NHS: variants seen among roughly 807,000 people sequenced by gnomAD.
NHS encodes the protein NHS actin remodeling regulator, also known as actin remodeling regulator NHS.
Under a neutral mutation model 72.5 loss-of-function variants are expected in NHS, and 5 were observed. That is an observed-to-expected ratio of 0.07 (90% CI 0.04 to 0.14). The LOEUF is 0.14. Among genes scored for constraint, NHS ranks in the 10% least tolerant of loss-of-function variants. The pLI, the probability that NHS is intolerant of heterozygous loss-of-function variation, is 1.00. For missense variants in NHS, 1,072 were observed against 1,355.7 expected (o/e 0.79, Z 3.29); for synonymous variants, 464 against 547.7 (o/e 0.85, Z 2.13).
At chrX:17,397,093 A>G (rs2064479338) in intron 1 of NHS, among the ~76,000 whole-genome samples, 1 of 112,963 alleles carries the variant, frequency 8.9e-6, no homozygotes, top group African/African-American at 3.2e-5. Context: ...TAGATCAGGA[A>G]GCAAAAGCTT....
chrX:17,630,932 T>C (rs767738422), intron 1 of NHS, among the ~76,000 whole-genome samples: 2 of 111,980 alleles, frequency 1.8e-5, no homozygotes, highest in African/African-American at 3.3e-5. Context: ...CCTGAGATTC[T>C]ATAGTTTTCC....
At chrX:17,483,589 T>C (rs1212641198) in intron 1 of NHS, among the ~76,000 whole-genome samples, 2 of 112,114 alleles carry the variant, frequency 1.8e-5, no homozygotes, top group Admixed American at 9.5e-5. Flanking sequence ...TCTCTGAACG[T>C]ACATTATTCC....
Position 17,726,453 on chromosome X carries a change from G to T in NHS, c.2347G>T (p.Gly783Ter). 1 of 1,211,977 alleles carries T rather than the reference G, an allele frequency of 8.3e-7. No homozygotes were observed. Among genetic ancestry groups the T allele is most frequent in the Non-Finnish European group, 1.1e-6 (1 of 895,544 alleles). Reference protein sequence around the residue: ...TSSHFSVDTEGYYTSMHFDCG... With the variant: ...TSSHFSVDTE ...CTCTCACTTTTCAGTAGACACGGAAGGATACTATACCTCCATGCACTTTGA... is the reference window on the plus strand; with the variant it reads ...CTCTCACTTTTCAGTAGACACGGAATGATACTATACCTCCATGCACTTTGA... Residue 783 changes from glycine (G) to a stop codon, truncating the protein, a stop_gained, in exon 7 of 9, where the codon GGA (glycine) becomes TGA (stop). Coordinates refer to ENST00000676302, the MANE Select transcript of NHS (RefSeq NM_001291867.2). LOFTEE classifies it high-confidence loss of function.
At chrX:17,625,969 T>A (rs2065796532) in intron 1 of NHS, among the ~76,000 whole-genome samples, 1 of 112,231 alleles carries the variant, frequency 8.9e-6, no homozygotes, top group South Asian at 3.6e-4. Flanking sequence ...TTCTATAAAA[T>A]TTGAAAAAGT....
At chrX:17,627,151 G>T (rs2065801522) in intron 1 of NHS, among the ~76,000 whole-genome samples, 1 of 112,227 alleles carries the variant, frequency 8.9e-6, no homozygotes, top group African/African-American at 3.2e-5. Flanking sequence ...GACTCAACAA[G>T]AATTCTGCAT....
chrX:17,389,919 C>T (rs73636647), intron 1 of NHS, among the ~76,000 whole-genome samples: 1,700 of 105,954 alleles, frequency 0.016, 43 homozygotes, highest in African/African-American at 0.056. Context: ...GCCTTTTCTA[C>T]GATAAAGCTA....
chrX:17,409,857 T>G (rs1027257585), intron 1 of NHS, among the ~76,000 whole-genome samples: 1 of 111,694 alleles, frequency 9.0e-6, no homozygotes, highest in African/African-American at 3.3e-5. Context: ...TGGCACTGAT[T>G]AATACTATAA....
chrX:17,442,557 A>G (rs1418093307), intron 1 of NHS, among the ~76,000 whole-genome samples: 2 of 112,505 alleles, frequency 1.8e-5, no homozygotes, highest in African/African-American at 3.2e-5. Context: ...GGAGCATTCA[A>G]CATTCACGTT....
rs1008406679 is a variant in NHS at position 17,463,513 on chromosome X, A to G, written c.565+87191A>G. On this transcript the variant is annotated intron_variant, in intron 1 of 8. Coordinates refer to ENST00000676302, the MANE Select transcript of NHS (RefSeq NM_001291867.2). ...GATATTAGTATTTCTTGGGTAAAGC[A>G]TATCATACCCTGAAAGGCCAGATAA... is the stretch of plus-strand genomic sequence containing the variant. Among the ~76,000 whole-genome samples the G allele has an allele frequency of 5.3e-4, 59 of 111,522 alleles. 1 individual carries two copies. The highest frequency in any genetic ancestry group is 1.8e-3 in the African/African-American group (56 of 30,697).
intron 1 of NHS, among the ~76,000 whole-genome samples, chrX:17,446,264 TTTTG>T (rs2064779316): frequency 9.0e-6 from 1 of 110,608 alleles, no homozygotes; most frequent in Non-Finnish European, 1.9e-5. Context: ...TTCAACACTA[TTTTG>T]TTTTATTTTT....
In NHS at chrX:17,714,576, T is replaced by C. The variant is rs147497746; in HGVS notation, c.853-4768T>C. Among the ~76,000 whole-genome samples the C allele has an allele frequency of 4.2e-3, 473 of 112,437 alleles. 8 individuals are homozygous for C. Among genetic ancestry groups the C allele is most frequent in the Admixed American group, 0.038 (403 of 10,609 alleles). On this transcript the variant is annotated intron_variant, in intron 3 of 8. Transcript: ENST00000676302. ...TTATATGTGGGTGGCAATAATTTGA[T>C]GTTATTTCTCTAGAAGAGAATTTTT...
chrX:17,561,743 T>C (rs2065417337), intron 1 of NHS, among the ~76,000 whole-genome samples: 1 of 106,530 alleles, frequency 9.4e-6, no homozygotes, highest in Non-Finnish European at 1.9e-5. Flanking sequence ...ATGGGTGAAG[T>C]TTTAATGAGA....
Position 17,721,563 on chromosome X carries a change from G to A in NHS, c.1038G>A (p.Pro346=), listed in dbSNP as rs2066406371. 2.5e-6 allele frequency: 3 copies of A among 1,211,071 alleles called. No homozygotes were observed. The highest frequency in any genetic ancestry group is 3.4e-6 in the Non-Finnish European group (3 of 895,226). The change falls in exon 5 of 9, where the codon CCG becomes CCA. Residue 346 remains proline, a synonymous_variant. Coordinates refer to ENST00000676302, the MANE Select transcript of NHS (RefSeq NM_001291867.2). The stretch of plus-strand genomic sequence containing the variant: ...ACTGGAGCAAAGCACTACCTCTCCC[G>A]ACGCCAGAGGAGAAGATGAAACAAG... ...QTNWSKALPL[P]TPEEKMKQDA...
chrX:17,719,497 T>C, intron 4 of NHS, 91 bp downstream of exon 4: 1 of 706,253 alleles, frequency 1.4e-6, no homozygotes, highest in Non-Finnish European at 2.0e-6. Flanking sequence ...ATGGAAAACT[T>C]TCTTGTTTCT....
chrX:17,580,684 C>G (rs1354403353), intron 1 of NHS, among the ~76,000 whole-genome samples: 1 of 111,342 alleles, frequency 9.0e-6, no homozygotes, highest in Non-Finnish European at 1.9e-5. Flanking sequence ...GATAGCCACT[C>G]CCCCTTCTCA....
At chrX:17,600,083 C>A (rs1486124494) in intron 1 of NHS, among the ~76,000 whole-genome samples, 1 of 111,534 alleles carries the variant, frequency 9.0e-6, no homozygotes, top group Non-Finnish European at 1.9e-5. Flanking sequence ...CTGGGCTGGG[C>A]AGCTAGTACT....
intron 1 of NHS, among the ~76,000 whole-genome samples, chrX:17,416,821 A>T (rs7881907): frequency 3.4e-3 from 337 of 98,698 alleles, no homozygotes; most frequent in East Asian, 0.016. Flanking sequence ...TGTGTGTGTG[A>T]GAGAGAGAGA....
intron 3 of NHS, among the ~76,000 whole-genome samples, chrX:17,695,981 T>C (rs1334631834): frequency 3.7e-5 from 4 of 108,551 alleles, no homozygotes; most frequent in African/African-American, 1.3e-4. Flanking sequence ...GATTTTGAAA[T>C]TCTATAGCCA....
rs1455209467 is a variant in NHS, at chrX:17,695,941, A to AG, written c.852+3473_852+3474insG. Among the ~76,000 whole-genome samples, 592 of 95,083 alleles carry AG rather than the reference A, an allele frequency of 6.2e-3. 6 individuals are homozygous for AG. Among genetic ancestry groups the AG allele is most frequent in the Non-Finnish European group, 8.2e-3 (414 of 50,345 alleles). 82.6% of individuals were successfully genotyped at this position (95,083 alleles called of 115,157 possible). ...AAAAGCTTCCTTAAAAAAAAAAAAA[A>AG]AGGGGGGGGGTATCTATTCCATCCT... On this transcript the variant is annotated intron_variant, in intron 3 of 8. Coordinates refer to ENST00000676302, the MANE Select transcript of NHS (RefSeq NM_001291867.2).
Sources: allele counts gnomAD v4.1 joint callset (sites outside exome capture counted in the v4.1 genomes callset), GRCh38; gene constraint gnomAD v4.1.1; transcripts MANE v1.5; gene names NCBI Gene and HGNC (gene_info 2026-07-23, HGNC 2026-07-21).